The following FOXN3 variants were observed in gnomAD, a reference collection of about 807,000 sequenced individuals.
FOXN3 encodes the protein forkhead box N3.
FOXN3 carries 7 observed loss-of-function variants against 38.4 expected under a neutral mutation model. The observed-to-expected ratio is 0.18, with a 90% CI of 0.10 to 0.34. The LOEUF (loss-of-function observed/expected upper bound fraction) is 0.34, where lower values mean the gene tolerates loss of function less well. FOXN3 is among the 10% of genes least tolerant of loss of function. The probability of loss-of-function intolerance (pLI) is 1.00; values close to 1 mark genes in which losing one functional copy is unlikely to be tolerated. For missense variants in FOXN3, 456 were observed against 613.4 expected (o/e 0.74, Z 2.71); for synonymous variants, 230 against 242.2 (o/e 0.95, Z 0.47).
intron 1 of FOXN3, among the ~76,000 whole-genome samples, chr14:89,544,002 T>C (rs972527947): frequency 2.0e-5 from 3 of 152,220 alleles, no homozygotes; most frequent in Non-Finnish European, 2.9e-5. Flanking sequence ...TGCATCTTTA[T>C]GCCTGGTATT....
intron 1 of FOXN3, among the ~76,000 whole-genome samples, chr14:89,457,974 G>A (rs184241202): frequency 1.4e-5 from 2 of 142,948 alleles, no homozygotes; most frequent in Non-Finnish European, 3.0e-5. Context: ...AGGTTGCAGT[G>A]AGCCAAGATT....
chr14:89,360,700 C>T (rs1475151831), intron 2 of FOXN3, among the ~76,000 whole-genome samples: 2 of 148,936 alleles, frequency 1.3e-5, no homozygotes, highest in African/African-American at 2.5e-5. Flanking sequence ...TCCTCAGCTA[C>T]CACCACCTCC....
intron 1 of FOXN3, among the ~76,000 whole-genome samples, chr14:89,518,892 GTAA>G (rs1325285478): frequency 6.6e-6 from 1 of 152,194 alleles, no homozygotes; most frequent in East Asian, 1.9e-4. Context: ...GTGGGCACCT[GTAA>G]TCCCAGCTAC....
At chr14:89,446,126 T>C (rs1366844017) in intron 1 of FOXN3, among the ~76,000 whole-genome samples, 1 of 136,032 alleles carries the variant, frequency 7.4e-6, no homozygotes, top group African/African-American at 2.7e-5. Flanking sequence ...AAGGAAGAGT[T>C]GGGTCTAGAA....
chr14:89,195,087 T>C (rs1336271537), intron 4 of FOXN3, among the ~76,000 whole-genome samples: 1 of 152,228 alleles, frequency 6.6e-6, no homozygotes, highest in Non-Finnish European at 1.5e-5. Flanking sequence ...GATTGCAAAC[T>C]ACCAGAAGGT....
At chr14:89,551,918 A>G (rs1041074658) in intron 1 of FOXN3, among the ~76,000 whole-genome samples, 6 of 152,150 alleles carry the variant, frequency 3.9e-5, no homozygotes, top group Non-Finnish European at 8.8e-5. Flanking sequence ...CCACAGCAAA[A>G]ATTCTCATGC....
Position 89,550,616 on chromosome 14 carries a change from G to A in FOXN3, c.-15+68412C>T, listed in dbSNP as rs868835097. On this transcript the variant is annotated intron_variant, in intron 1 of 6. Transcript: ENST00000345097. ...CTACACCTGTGTGACTTGTCACCAA[G>A]AGATGTCCAACAGTGGATGATCAGA... Among the ~76,000 whole-genome samples the A allele has an allele frequency of 1.1e-4, 17 of 152,190 alleles. 1 individual carries two copies. The highest frequency in any genetic ancestry group is 1.1e-3 in the Admixed American group (17 of 15,284).
intron 3 of FOXN3, among the ~76,000 whole-genome samples, chr14:89,286,412 T>C (rs1886630415): frequency 2.0e-5 from 3 of 151,982 alleles, no homozygotes; most frequent in South Asian, 4.2e-4. Flanking sequence ...AAAGTGGGTG[T>C]AGCAAGACCA....
intron 1 of FOXN3, among the ~76,000 whole-genome samples, chr14:89,519,738 G>A (rs1009117943): frequency 6.6e-6 from 1 of 152,176 alleles, no homozygotes; most frequent in African/African-American, 2.4e-5. Context: ...CTGTAGGACC[G>A]AAGCAAAGGG....
chr14:89,531,114 C>T (rs900920547), intron 1 of FOXN3, among the ~76,000 whole-genome samples: 2 of 148,354 alleles, frequency 1.3e-5, no homozygotes, highest in Admixed American at 6.8e-5. Flanking sequence ...AATATACACA[C>T]ACACATAATA....
intron 1 of FOXN3, among the ~76,000 whole-genome samples, chr14:89,501,894 G>A (rs977931290): frequency 2.0e-5 from 3 of 151,936 alleles, no homozygotes; most frequent in African/African-American, 4.8e-5. Context: ...GGCCAGGTGC[G>A]ATGGCTCACA....
chr14:89,237,376 C>T (rs181678364), intron 4 of FOXN3, among the ~76,000 whole-genome samples: 5 of 152,316 alleles, frequency 3.3e-5, no homozygotes, highest in East Asian at 1.9e-4. Context: ...CACTCACCCA[C>T]GGCTCATGAG....
At position 89,312,121 on chromosome 14, in the gene FOXN3, C is replaced by T. The variant is rs373463868; in HGVS notation, c.681-31107G>A. On this transcript the variant is annotated intron_variant, in intron 3 of 5. Coordinates refer to ENST00000557258, the MANE Select transcript of FOXN3 (RefSeq NM_005197.4). Reference sequence around the variant, plus strand: ...CCAACATGGTGAAACCCCATCTCTACTAAAAATACAAAAAGTAGCTGGGTG... The same window carrying T: ...CCAACATGGTGAAACCCCATCTCTATTAAAAATACAAAAAGTAGCTGGGTG... Among the ~76,000 whole-genome samples, 123 of 151,560 alleles carry T rather than the reference C, an allele frequency of 8.1e-4. 1 individual carries two copies. Among genetic ancestry groups the T allele is most frequent in the African/African-American group, 2.9e-3 (120 of 41,230 alleles).
rs752213445 is a variant in FOXN3, at chr14:89,430,069, G to C, written c.-14-17579C>G. The stretch of plus-strand genomic sequence containing the variant: ...AGTTTTTTTCCATTAGTTATTACAA[G>C]CAATCATGATGCTCTAAAAATAGCA... On this transcript the variant is annotated intron_variant, in intron 1 of 6. Transcript: ENST00000345097. Among the ~76,000 whole-genome samples, 39 of 152,114 alleles carry C rather than the reference G, an allele frequency of 2.6e-4. 1 individual carries two copies. Among genetic ancestry groups the C allele is most frequent in the South Asian group, 2.1e-4 (1 of 4,826 alleles).
intron 2 of FOXN3, among the ~76,000 whole-genome samples, chr14:89,380,261 A>C (rs1199588212): frequency 6.6e-6 from 1 of 152,206 alleles, no homozygotes; most frequent in East Asian, 1.9e-4. Context: ...CCACCATGTA[A>C]GACATGCCTT....
intron 1 of FOXN3, among the ~76,000 whole-genome samples, chr14:89,450,074 A>G (rs1892584776): frequency 6.6e-6 from 1 of 152,208 alleles, no homozygotes; most frequent in South Asian, 2.1e-4. Context: ...ATGGAGTCAG[A>G]GCCAATGGCC....
intron 1 of FOXN3, among the ~76,000 whole-genome samples, chr14:89,461,559 T>G (rs895381629): frequency 6.6e-6 from 1 of 152,128 alleles, no homozygotes; most frequent in African/African-American, 2.4e-5. Context: ...AGAACACCAA[T>G]GCAGAGAGTA....
intron 1 of FOXN3, among the ~76,000 whole-genome samples, chr14:89,616,980 A>T (rs1366027129): frequency 6.6e-6 from 1 of 152,156 alleles, no homozygotes; most frequent in Admixed American, 6.5e-5. Context: ...GAAGCCAACA[A>T]GTTCTCCAGG....
At position 89,174,221 on chromosome 14, in the gene FOXN3, A is replaced by G. The variant is rs147838162; in HGVS notation, c.851+6480T>C. Among the ~76,000 whole-genome samples the G allele has an allele frequency of 4.6e-5, 7 of 152,252 alleles. No individual in the cohort carries two copies. In the East Asian group the frequency reaches 1.4e-3, roughly 29 times the overall value. ...ACAGCTCTTCCCTACCTTTTTCACAAAATCCAGTCTAATTCTACCTGTGCC... is the reference window on the plus strand; with the variant it reads ...ACAGCTCTTCCCTACCTTTTTCACAGAATCCAGTCTAATTCTACCTGTGCC... On this transcript the variant is annotated intron_variant, in intron 5 of 5. Transcript: ENST00000557258.
Sources: allele counts gnomAD v4.1 joint callset (sites outside exome capture counted in the v4.1 genomes callset), GRCh38; gene constraint gnomAD v4.1.1; transcripts MANE v1.5; gene names NCBI Gene and HGNC (gene_info 2026-07-23, HGNC 2026-07-21).